Variants in LGR6 observed in about 807,000 individuals in gnomAD.
LGR6 encodes the protein leucine-rich repeat-containing G protein-coupled receptor 6.
Under a neutral mutation model 69.4 loss-of-function variants are expected in LGR6, and 45 were observed. The ratio of observed to expected loss-of-function variants is 0.65; its 90% CI spans 0.51 to 0.83. The LOEUF (loss-of-function observed/expected upper bound fraction) is 0.83, where lower values mean the gene tolerates loss of function less well. Ranked by LOEUF, LGR6 falls within the 40% of genes least tolerant of loss-of-function variation. LGR6 has a pLI of 0.00. For missense variants in LGR6, 1,108 were observed against 1,246.7 expected (o/e 0.89, Z 1.68); for synonymous variants, 538 against 555.0 (o/e 0.97, Z 0.43).
At chr1:202,200,227 G>A (rs1056518267) in intron 1 of LGR6, among the ~76,000 whole-genome samples, 2 of 152,256 alleles carry the variant, frequency 1.3e-5, no homozygotes, top group Non-Finnish European at 2.9e-5. Context: ...CGCCTGGTGG[G>A]AGACTCTCCA....
rs533753229 is a variant in LGR6 at position 202,194,473 on chromosome 1, A to G, written c.212+272A>G. On this transcript the variant is annotated intron_variant, in intron 1 of 17. Coordinates refer to ENST00000367278, the MANE Select transcript of LGR6 (RefSeq NM_001017403.2). ...TGACTATGGGAGCCCAGGCTTGGCG[A>G]GGTGGGTTCTGGACCCTGAGCGGGA... 1.2e-4 allele frequency: 74 copies of G among 627,444 alleles called. No individual in the cohort carries two copies. In the African/African-American group the frequency reaches 1.2e-3, roughly 10 times the overall value. The allele number at this position is 627,444 out of a possible 1,614,324, so 38.9% of individuals were successfully genotyped here.
intron 1 of LGR6, among the ~76,000 whole-genome samples, chr1:202,208,074 C>T (rs1659322587): frequency 6.6e-6 from 1 of 152,206 alleles, no homozygotes; most frequent in African/African-American, 2.4e-5. Flanking sequence ...CCTCCTGCTG[C>T]AGTTTTTCTC....
At chr1:202,214,121 C>A in intron 1 of LGR6, 2 of 1,460,100 alleles carry the variant, frequency 1.4e-6, no homozygotes, top group Non-Finnish European at 1.8e-6. Context: ...GGCACTGGAC[C>A]GCAGAACTGG....
chr1:202,252,588 C>A (rs566384230), intron 4 of LGR6, among the ~76,000 whole-genome samples: 2 of 152,216 alleles, frequency 1.3e-5, no homozygotes, highest in Non-Finnish European at 2.9e-5. Context: ...CAACTACCTG[C>A]TGCCAGGGGC....
rs533153498 is a variant in LGR6, at chr1:202,198,338, A to T, written c.212+4137A>T. On this transcript the variant is annotated intron_variant, in intron 1 of 17. Coordinates refer to ENST00000367278, the MANE Select transcript of LGR6 (RefSeq NM_001017403.2). ...AGCCCTTCTGTGACTTAGTTTCCTC[A>T]CCTGTAAACAGGGTTAAGATCTACC... Among the ~76,000 whole-genome samples, 19 of 152,200 alleles carry T rather than the reference A, an allele frequency of 1.2e-4. No individual in the cohort carries two copies. The East Asian group carries it at 3.7e-3, about 29-fold the overall frequency.
rs775161506 is a variant in LGR6, at chr1:202,318,064, C to T, written c.1761C>T (p.Phe587=). 10 of 1,614,098 alleles carry T rather than the reference C, an allele frequency of 6.2e-6. No individual in the cohort carries two copies. In the South Asian group the frequency reaches 8.8e-5, roughly 14 times the overall value. ...LCNGLVLLTV[F]AGGPVPLPPV... ...ATGGACTGGTGCTGCTGACCGTGTT[C>T]GCTGGCGGGCCTGTCCCCCTGCCCC... is the stretch of plus-strand genomic sequence containing the variant. The change falls in exon 18 of 18, where the codon TTC becomes TTT. Residue 587 remains phenylalanine (F), a synonymous_variant. Transcript: ENST00000367278.
chr1:202,247,829 A>G (rs1662851744), intron 4 of LGR6, among the ~76,000 whole-genome samples: 1 of 152,046 alleles, frequency 6.6e-6, no homozygotes, highest in Admixed American at 6.6e-5. Flanking sequence ...AATCCCAGAG[A>G]GGTAAGAGAA....
chr1:202,305,134 A>G (rs2148278199), intron 11 of LGR6, among the ~76,000 whole-genome samples: 1 of 152,208 alleles, frequency 6.6e-6, no homozygotes. Flanking sequence ...GTGTGTGGAA[A>G]GAGCCCTAGG....
intron 1 of LGR6, among the ~76,000 whole-genome samples, chr1:202,212,656 T>C (rs891182450): frequency 6.6e-6 from 1 of 152,232 alleles, no homozygotes; most frequent in African/African-American, 2.4e-5. Context: ...ACAAGGGCAA[T>C]TGACATTGGA....
At chr1:202,197,694 G>A (rs1467604004) in intron 1 of LGR6, among the ~76,000 whole-genome samples, 9 of 151,544 alleles carry the variant, frequency 5.9e-5, no homozygotes, top group Admixed American at 1.3e-4. Context: ...ATGTGAGCAC[G>A]AAAACCCAAT....
rs368837323 is a variant in LGR6 at position 202,318,673 on chromosome 1, C to T, written c.2370C>T (p.Ala790=). The T allele has an allele frequency of 2.2e-5, 36 of 1,613,678 alleles. No individual in the cohort carries two copies. The East Asian group carries it at 4.5e-4, about 20-fold the overall frequency. Reference sequence around the variant, plus strand: ...ACGGGCTCCTCTACTGTCCCGTGGCCTTCCTCAGCTTTGCCTCCATGCTGG... The same window carrying T: ...ACGGGCTCCTCTACTGTCCCGTGGCTTTCCTCAGCTTTGCCTCCATGCTGG... ...FADGLLYCPV[A]FLSFASMLGL... Residue 790 remains alanine, a synonymous_variant, in exon 18 of 18, where the codon GCC becomes GCT. Coordinates refer to ENST00000367278, the MANE Select transcript of LGR6 (RefSeq NM_001017403.2).
Position 202,319,025 on chromosome 1 carries a change from G to C in LGR6, c.2722G>C (p.Gly908Arg). ...GACCCTCATCTCCTGTCAGCAGCCA[G>C]GGGCCCCCAGGCTGGAGGGCAGCCA... ...SVTLISCQQP[G>R]APRLEGSHCV... Residue 908 changes from glycine (G) to arginine (R), a missense_variant, in exon 18 of 18, where the codon GGG (glycine) becomes CGG (arginine). By Grantham distance (125) the Gly-to-Arg change is moderately radical (BLOSUM62 -2). Coordinates refer to ENST00000367278, the MANE Select transcript of LGR6 (RefSeq NM_001017403.2). The C allele has an allele frequency of 1.2e-5, 20 of 1,614,102 alleles. No homozygotes were observed. The highest frequency in any genetic ancestry group is 1.7e-5 in the Non-Finnish European group (20 of 1,179,974).
Position 202,217,351 on chromosome 1 carries a change from C to G in LGR6, c.213-8072C>G, listed in dbSNP as rs190815460. 2.6e-5 allele frequency among the ~76,000 whole-genome samples: 4 copies of G among 152,320 alleles called. No individual in the cohort carries two copies. The East Asian group carries it at 7.7e-4, about 29-fold the overall frequency. The stretch of plus-strand genomic sequence containing the variant: ...TCCCTCCCTGACCTTTCTCTGCCAT[C>G]AGGGTTTTAGGAGCCCCACACCACA... On this transcript the variant is annotated intron_variant, in intron 1 of 17. Transcript: ENST00000367278.
chr1:202,271,808 C>CAAA lies in LGR6; in HGVS notation c.429-4479_429-4477dup, dbSNP rs754922941. On this transcript the variant is annotated intron_variant, in intron 4 of 17. Transcript: ENST00000367278. ...GGGCAATAAGAGTGAAACTCTGTCTCAAAAAAAAAAAAAAAAAAAAAGAGA... is the reference window on the plus strand; with the variant it reads ...GGGCAATAAGAGTGAAACTCTGTCTCAAAAAAAAAAAAAAAAAAAAAAAAGAGA... Among the ~76,000 whole-genome samples, 42 of 88,264 alleles carry CAAA rather than the reference C, an allele frequency of 4.8e-4. 1 individual carries two copies. Among genetic ancestry groups the CAAA allele is most frequent in the African/African-American group, 1.3e-3 (27 of 20,610 alleles). The allele number at this position is 88,264 out of a possible 152,430, so 57.9% of individuals were successfully genotyped here.
At chr1:202,200,858 G>C (rs1051899650) in intron 1 of LGR6, among the ~76,000 whole-genome samples, 2 of 152,206 alleles carry the variant, frequency 1.3e-5, no homozygotes, top group African/African-American at 2.4e-5. Flanking sequence ...AGAGCTCAGG[G>C]GTTGGCACTG....
chr1:202,298,556 T>A (rs1667341492), intron 7 of LGR6: 1 of 147,464 alleles, frequency 6.8e-6, no homozygotes, highest in African/African-American at 2.5e-5. Flanking sequence ...GGAGTCTCAC[T>A]CTGTCGCCAT....
At chr1:202,241,407 G>A (rs967257121) in intron 4 of LGR6, among the ~76,000 whole-genome samples, 2 of 152,210 alleles carry the variant, frequency 1.3e-5, no homozygotes, top group Non-Finnish European at 2.9e-5. Context: ...TGGGGCTAGG[G>A]CTAGGGAATG....
At chr1:202,214,135 T>C in intron 1 of LGR6, 1 of 1,478,608 alleles carries the variant, frequency 6.8e-7, no homozygotes, top group South Asian at 1.4e-5. Flanking sequence ...GAACTGGCAC[T>C]CGAGGTCCCA....
At chr1:202,277,311 G>A (rs1453445917) in intron 5 of LGR6, among the ~76,000 whole-genome samples, 3 of 152,152 alleles carry the variant, frequency 2.0e-5, no homozygotes, top group African/African-American at 4.8e-5. Context: ...ATGATACCTA[G>A]TTCCATTTGA....
Sources: gnomAD v4.1 joint callset for allele counts (sites outside exome capture counted in the v4.1 genomes callset) on GRCh38, gnomAD v4.1.1 for gene constraint, MANE v1.5 for transcripts, NCBI Gene and HGNC (gene_info 2026-07-23, HGNC 2026-07-21) for gene names.